WLS: variants seen among roughly 807,000 people sequenced by gnomAD.
WLS encodes the protein Wnt ligand secretion mediator.
WLS carries 23 observed loss-of-function variants against 62.8 expected under a neutral mutation model. That is an observed-to-expected ratio of 0.37 (90% CI 0.26 to 0.52). The LOEUF (loss-of-function observed/expected upper bound fraction) is 0.52, where lower values mean the gene tolerates loss of function less well. Among genes scored for constraint, WLS ranks in the 20% least tolerant of loss-of-function variants. The pLI is 0.92. For missense variants in WLS, 615 were observed against 697.3 expected (o/e 0.88, Z 1.33); for synonymous variants, 246 against 244.1 (o/e 1.01, Z -0.07).
chr1:68,224,011 C>T (rs941389577), intron 1 of WLS, among the ~76,000 whole-genome samples: 5 of 152,188 alleles, frequency 3.3e-5, no homozygotes, highest in African/African-American at 1.2e-4. Flanking sequence ...AATCATAATG[C>T]CTTGCCAAAA....
intron 11 of WLS, among the ~76,000 whole-genome samples, chr1:68,107,208 T>A (rs1301728517): frequency 6.6e-6 from 1 of 152,194 alleles, no homozygotes; most frequent in East Asian, 1.9e-4. Flanking sequence ...CTTAAATAGA[T>A]CCTTTTGTAT....
At chr1:68,137,401 C>T (rs1483233404) in intron 11 of WLS, among the ~76,000 whole-genome samples, 1 of 152,168 alleles carries the variant, frequency 6.6e-6, no homozygotes, top group Non-Finnish European at 1.5e-5. Flanking sequence ...AGACTCCCTC[C>T]ACCTGATATC....
At chr1:68,139,521 C>T (rs1646657891) in intron 10 of WLS, among the ~76,000 whole-genome samples, 1 of 152,190 alleles carries the variant, frequency 6.6e-6, no homozygotes, top group Non-Finnish European at 1.5e-5. Context: ...GGCTGTCACG[C>T]ATCCTAGCTG....
intron 10 of WLS, among the ~76,000 whole-genome samples, chr1:68,139,009 C>T (rs1307288007): frequency 6.6e-6 from 1 of 152,122 alleles, no homozygotes; most frequent in African/African-American, 2.4e-5. Flanking sequence ...ATCCATAACC[C>T]ACTTGGGGCC....
At chr1:68,117,982 A>AC (rs397827842) in intron 11 of WLS, among the ~76,000 whole-genome samples, 1 of 151,630 alleles carries the variant, frequency 6.6e-6, no homozygotes, top group Non-Finnish European at 1.5e-5. Context: ...GAAAAAAAAA[A>AC]CAGAATTTTT....
chr1:68,232,460 CGCCCGCACGG>C lies in WLS; in HGVS notation c.-171_-162del. On this transcript the variant is annotated 5_prime_UTR_variant, in exon 1 of 12. In the 5' UTR this introduces an upstream ATG that the reference lacks. Coordinates refer to ENST00000262348, the MANE Select transcript of WLS (RefSeq NM_024911.7). ...GCGAGGATGGGACCGGGACGGAAGG[CGCCCGCACGG>C]ATTCCCCCGGCGCAGCCGGCTCGGG... 7.3e-7 allele frequency: 1 copy of C among 1,363,648 alleles called. No individual in the cohort carries two copies. Among genetic ancestry groups the C allele is most frequent in the Non-Finnish European group, 9.5e-7 (1 of 1,052,120 alleles). The allele number at this position is 1,363,648 out of a possible 1,614,324, so 84.5% of individuals were successfully genotyped here. A position where few individuals can be genotyped will look rare whatever the true frequency, so the allele number is the denominator to read the frequency against.
intron 1 of WLS, among the ~76,000 whole-genome samples, chr1:68,205,034 A>G (rs754182401): frequency 2.6e-5 from 4 of 152,220 alleles, no homozygotes; most frequent in Non-Finnish European, 5.9e-5. Flanking sequence ...AGTTATGCTC[A>G]ATGTAACTAA....
chr1:68,118,148 T>C (rs1253728493), intron 11 of WLS, among the ~76,000 whole-genome samples: 5 of 152,052 alleles, frequency 3.3e-5, no homozygotes, highest in Non-Finnish European at 5.9e-5. Flanking sequence ...TAAAAGCTAG[T>C]GACAAATGGA....
chr1:68,137,338 A>G (rs894116064), intron 11 of WLS, among the ~76,000 whole-genome samples: 6 of 152,202 alleles, frequency 3.9e-5, no homozygotes, highest in Non-Finnish European at 8.8e-5. Context: ...CACCTTGAAG[A>G]AAAATGAGCA....
At chr1:68,194,582 C>G (rs1648560660) in intron 1 of WLS, among the ~76,000 whole-genome samples, 1 of 152,208 alleles carries the variant, frequency 6.6e-6, no homozygotes, top group African/African-American at 2.4e-5. Flanking sequence ...TCATAGAGAA[C>G]AGTATCTAAA....
intron 1 of WLS, among the ~76,000 whole-genome samples, chr1:68,212,845 T>C (rs1171992456): frequency 4.6e-5 from 7 of 152,202 alleles, no homozygotes; most frequent in Non-Finnish European, 1.0e-4. Context: ...TAGATTCCCA[T>C]ACTGAGATCT....
At chr1:68,209,887 G>A (rs762358357) in intron 1 of WLS, among the ~76,000 whole-genome samples, 8 of 152,208 alleles carry the variant, frequency 5.3e-5, no homozygotes, top group Non-Finnish European at 8.8e-5. Flanking sequence ...CCAATAAGTG[G>A]CTGAACTGGG....
chr1:68,135,827 G>C (rs138345917), intron 11 of WLS, among the ~76,000 whole-genome samples: 6 of 152,170 alleles, frequency 3.9e-5, no homozygotes. Context: ...GAAGCCCACT[G>C]CTTGACAGGC....
intron 5 of WLS, among the ~76,000 whole-genome samples, chr1:68,152,813 T>G (rs1214658122): frequency 6.6e-6 from 1 of 152,120 alleles, no homozygotes; most frequent in Admixed American, 6.5e-5. Context: ...ATTAATAGAA[T>G]CCAGCAGAAA....
chr1:68,129,165 A>G (rs1227190539), intron 11 of WLS, among the ~76,000 whole-genome samples: 3 of 152,102 alleles, frequency 2.0e-5, no homozygotes, highest in African/African-American at 7.2e-5. Flanking sequence ...CTCTACTAAA[A>G]TTAAAAAAAT....
chr1:68,232,099 A>C (rs1387518083), intron 1 of WLS, 95 bp downstream of exon 1: 9 of 1,519,238 alleles, frequency 5.9e-6, no homozygotes, highest in Non-Finnish European at 8.1e-6. Context: ...CATAGAAGCA[A>C]GGCAGTGATA....
chr1:68,223,884 C>T (rs555924305), intron 1 of WLS, among the ~76,000 whole-genome samples: 20 of 152,166 alleles, frequency 1.3e-4, no homozygotes, highest in Non-Finnish European at 2.4e-4. Flanking sequence ...TCAGCCAGGA[C>T]CAAGGCAGCA....
intron 10 of WLS, chr1:68,138,520 G>A (rs1646643624): frequency 6.6e-6 from 1 of 152,208 alleles, no homozygotes; most frequent in Non-Finnish European, 1.5e-5. Flanking sequence ...AACCTGCCTG[G>A]CAGGTACTCA....
chr1:68,195,387 C>T (rs1009265040), intron 1 of WLS, among the ~76,000 whole-genome samples: 12 of 152,162 alleles, frequency 7.9e-5, no homozygotes, highest in Non-Finnish European at 1.8e-4. Context: ...ACTGATCTTT[C>T]CAAGTCACTG....
Sources: gnomAD v4.1 joint callset for allele counts (sites outside exome capture counted in the v4.1 genomes callset) on GRCh38, gnomAD v4.1.1 for gene constraint, MANE v1.5 for transcripts, NCBI Gene and HGNC (gene_info 2026-07-23, HGNC 2026-07-21) for gene names.